RBFOX1: variants seen among roughly 807,000 people sequenced by gnomAD.
RBFOX1 encodes RNA binding fox-1 homolog 1, also known as RNA binding protein fox-1 homolog 1.
A neutral mutation model predicts 57.7 loss-of-function variants in RBFOX1; 8 were observed. The ratio of observed to expected loss-of-function variants is 0.14; its 90% CI spans 0.08 to 0.25. The LOEUF (loss-of-function observed/expected upper bound fraction) is 0.25, where lower values mean the gene tolerates loss of function less well. Ranked by LOEUF, RBFOX1 falls within the 10% of genes least tolerant of loss-of-function variation. The pLI, the probability that RBFOX1 is intolerant of heterozygous loss-of-function variation, is 1.00. For synonymous variants in RBFOX1, 326 were observed against 222.4 expected (o/e 1.47, Z -4.15); for missense variants, 611 against 548.5 (o/e 1.11, Z -1.14).
At chr16:5,409,845 C>T (rs185658079) in intron 1 of RBFOX1, among the ~76,000 whole-genome samples, 6 of 151,844 alleles carry the variant, frequency 4.0e-5, no homozygotes, top group Middle Eastern at 3.4e-3. Flanking sequence ...GTCAGGAGTT[C>T]GAGACCAGCT....
At chr16:6,764,015 A>T (rs555539556) in intron 3 of RBFOX1, among the ~76,000 whole-genome samples, 1 of 152,300 alleles carries the variant, frequency 6.6e-6, no homozygotes, top group Admixed American at 6.5e-5. Context: ...CAGGATGTTA[A>T]TGCTGTCTGC....
chr16:6,885,738 G>T (rs2063864490), intron 3 of RBFOX1, among the ~76,000 whole-genome samples: 1 of 152,174 alleles, frequency 6.6e-6, no homozygotes, highest in South Asian at 2.1e-4. Context: ...CACCAGGTTG[G>T]ACAGGCTGGT....
intron 11 of RBFOX1, among the ~76,000 whole-genome samples, chr16:7,636,436 A>C (rs1441711418): frequency 4.6e-5 from 7 of 152,150 alleles, no homozygotes; most frequent in African/African-American, 1.7e-4. Flanking sequence ...TTATCAGTTC[A>C]CACGTGAGTG....
At chr16:5,908,504 C>T (rs1029349156) in intron 4 of RBFOX1, among the ~76,000 whole-genome samples, 3 of 151,872 alleles carry the variant, frequency 2.0e-5, no homozygotes, top group Non-Finnish European at 2.9e-5. Flanking sequence ...AGGTGCCTGC[C>T]ACCATGCCCG....
At chr16:7,542,962 A>G (rs2083372897) in intron 5 of RBFOX1, among the ~76,000 whole-genome samples, 1 of 152,152 alleles carries the variant, frequency 6.6e-6, no homozygotes, top group Non-Finnish European at 1.5e-5. Flanking sequence ...TGACATTACA[A>G]CTATAGGTAC....
intron 2 of RBFOX1, among the ~76,000 whole-genome samples, chr16:6,605,507 A>C (rs1218716096): frequency 2.6e-5 from 4 of 152,164 alleles, no homozygotes; most frequent in Non-Finnish European, 5.9e-5. Flanking sequence ...AGAAATCAGA[A>C]ATGACAGCAT....
intron 1 of RBFOX1, among the ~76,000 whole-genome samples, chr16:5,465,191 G>A (rs1268666013): frequency 6.6e-6 from 1 of 152,142 alleles, no homozygotes; most frequent in East Asian, 1.9e-4. Flanking sequence ...AGCAGGATTG[G>A]TTTCTTCTGA....
intron 3 of RBFOX1, among the ~76,000 whole-genome samples, chr16:5,713,367 G>T (rs534171452): frequency 6.6e-5 from 10 of 152,274 alleles, no homozygotes; most frequent in African/African-American, 2.2e-4. Context: ...ATTAAGGGGC[G>T]TTTAAGAGCT....
In RBFOX1 at chr16:6,635,988, A is replaced by G. The variant is rs144046388; in HGVS notation, c.-63-18615A>G. Among the ~76,000 whole-genome samples, 42 of 152,294 alleles carry G rather than the reference A, an allele frequency of 2.8e-4. No individual in the cohort carries two copies. The East Asian group carries it at 7.9e-3, about 29-fold the overall frequency. On this transcript the variant is annotated intron_variant, in intron 2 of 15. Coordinates refer to ENST00000550418, the MANE Select transcript of RBFOX1 (RefSeq NM_018723.4). ...GAACCGTCATTGCCTTATGCTTTAT[A>G]TGCACATCATACACATAACCTGAAA...
At chr16:6,137,797 C>T (rs2096679040) in intron 1 of RBFOX1, among the ~76,000 whole-genome samples, 1 of 151,762 alleles carries the variant, frequency 6.6e-6, no homozygotes, top group African/African-American at 2.4e-5. Flanking sequence ...TTTGTAGAGA[C>T]AGGTTCCCAC....
intron 3 of RBFOX1, among the ~76,000 whole-genome samples, chr16:6,724,207 CAT>C (rs984133685): frequency 1.4e-5 from 2 of 141,542 alleles, no homozygotes; most frequent in African/African-American, 5.4e-5. Context: ...AGGCATCTTC[CAT>C]TTTTTTTTTT....
At chr16:6,917,330 C>A (rs1390667457) in intron 3 of RBFOX1, among the ~76,000 whole-genome samples, 2 of 152,158 alleles carry the variant, frequency 1.3e-5, no homozygotes, top group African/African-American at 4.8e-5. Flanking sequence ...GTGACTAATC[C>A]CATCTGGTGA....
At chr16:7,562,003 G>T (rs949837654) in intron 5 of RBFOX1, among the ~76,000 whole-genome samples, 4 of 152,044 alleles carry the variant, frequency 2.6e-5, no homozygotes, top group Non-Finnish European at 5.9e-5. Context: ...AAACCAGGAG[G>T]TTAAGAGGAG....
chr16:5,278,005 T>A (rs2063183330), intron 1 of RBFOX1, among the ~76,000 whole-genome samples: 1 of 152,192 alleles, frequency 6.6e-6, no homozygotes, highest in Non-Finnish European at 1.5e-5. Context: ...ATATCCTTTT[T>A]TTTGGATATA....
At chr16:5,717,533 C>A (rs180779823) in intron 3 of RBFOX1, among the ~76,000 whole-genome samples, 1 of 152,110 alleles carries the variant, frequency 6.6e-6, no homozygotes, top group Admixed American at 6.6e-5. Context: ...TCCCCAAAGT[C>A]CATTTTTCAT....
chr16:7,271,358 G>T (rs537235964), intron 4 of RBFOX1, among the ~76,000 whole-genome samples: 1 of 151,620 alleles, frequency 6.6e-6, no homozygotes, highest in Non-Finnish European at 1.5e-5. Context: ...CTTGGGGGGA[G>T]CTCGTATCAA....
intron 4 of RBFOX1, among the ~76,000 whole-genome samples, chr16:7,211,786 A>C (rs2152791366): frequency 6.6e-6 from 1 of 152,270 alleles, no homozygotes; most frequent in South Asian, 2.1e-4. Flanking sequence ...CCCTGTCTCT[A>C]GGTTGCTATG....
intron 3 of RBFOX1, among the ~76,000 whole-genome samples, chr16:7,043,288 C>A (rs2046796067): frequency 6.6e-6 from 1 of 152,138 alleles, no homozygotes; most frequent in Non-Finnish European, 1.5e-5. Context: ...TCACATACGA[C>A]CCTGTATCAT....
chr16:7,465,865 C>T (rs898605201), intron 4 of RBFOX1, among the ~76,000 whole-genome samples: 1 of 152,220 alleles, frequency 6.6e-6, no homozygotes, highest in Non-Finnish European at 1.5e-5. Flanking sequence ...TTGATATTAA[C>T]TGTTATCTGT....
Sources: gnomAD v4.1 joint callset for allele counts (sites outside exome capture counted in the v4.1 genomes callset) on GRCh38, gnomAD v4.1.1 for gene constraint, MANE v1.5 for transcripts, NCBI Gene and HGNC (gene_info 2026-07-23, HGNC 2026-07-21) for gene names.